AHNAK: variants seen among roughly 807,000 people sequenced by gnomAD.
The protein encoded by AHNAK is neuroblast differentiation-associated protein AHNAK.
Under a neutral mutation model 37.8 loss-of-function variants are expected in AHNAK, and 23 were observed. The observed-to-expected ratio is 0.61, with a 90% CI of 0.44 to 0.86. The LOEUF is 0.86. Ranked by LOEUF, AHNAK falls within the 40% of genes least tolerant of loss-of-function variation. AHNAK has a pLI of 0.00. For synonymous variants in AHNAK, 2,481 were observed against 2,636.3 expected, an observed-to-expected ratio of 0.94 and a Z score of 1.80; for missense variants, 7,411 against 7,319.4, an observed-to-expected ratio of 1.01 and a Z score of -0.46.
At chr11:62,456,579 C>T (rs1434391580) in intron 5 of AHNAK, among the ~76,000 whole-genome samples, 1 of 152,132 alleles carries the variant, frequency 6.6e-6, no homozygotes, top group East Asian at 1.9e-4. Flanking sequence ...CTGGTGGACA[C>T]TCCCTGGCCA....
In AHNAK at chr11:62,523,253, C is replaced by T. The variant is rs750553868; in HGVS notation, c.11164G>A (p.Glu3722Lys). The change falls in exon 5 of 5, where the codon GAA (glutamate) becomes AAA (lysine). Residue 3722 changes from glutamate (E) to lysine (K), a missense_variant. Transcript: ENST00000378024. ...CCCTTGAATTTACCCTCTGAGCCTTCGATGTTAATGTCAGGAGTGTCAATG... is the reference window on the plus strand; with the variant it reads ...CCCTTGAATTTACCCTCTGAGCCTTTGATGTTAATGTCAGGAGTGTCAATG... Reference protein sequence around the residue: ...VDIDTPDINIEGSEGKFKGPK... With the variant: ...VDIDTPDINIKGSEGKFKGPK... 8.7e-6 allele frequency: 14 copies of T among 1,612,574 alleles called. No homozygotes were observed. The highest frequency in any genetic ancestry group is 3.3e-4 in the Middle Eastern group (2 of 6,056).
intron 5 of AHNAK, among the ~76,000 whole-genome samples, chr11:62,439,297 T>C (rs1938249073): frequency 6.6e-6 from 1 of 151,780 alleles, no homozygotes; most frequent in Non-Finnish European, 1.5e-5. Flanking sequence ...GGGGTTTCGC[T>C]GTTTTAGTCA....
Position 62,527,781 on chromosome 11 carries a change from T to C in AHNAK, c.6636A>G (p.Glu2212=). Residue 2212 remains glutamate (E), a synonymous_variant, in exon 5 of 5, where the codon GAA becomes GAG. Coordinates refer to ENST00000378024, the MANE Select transcript of AHNAK (RefSeq NM_001620.3). ...MDVSVPKVEG[E]MKVPDVDIRG... ...TGATGTCAACATCTGGCACTTTCAT[T>C]TCACCTTCTACCTTGGGAACAGACA... is the stretch of plus-strand genomic sequence containing the variant. The C allele has an allele frequency of 6.2e-7, 1 of 1,613,648 alleles. No homozygotes were observed. Among genetic ancestry groups the C allele is most frequent in the Non-Finnish European group, 8.5e-7 (1 of 1,179,910 alleles).
At position 62,522,051 on chromosome 11, in the gene AHNAK, C is replaced by T. The variant is rs150213179; in HGVS notation, c.12366G>A (p.Leu4122=). ...LKGPKFKMPD[L]HLKAPKISMP... ...TAGAGATCTTCGGTGCCTTGAGGTG[C>T]AGGTCAGGCATTTTAAATTTGGGGC... Residue 4122 remains leucine, a synonymous_variant, in exon 5 of 5, where the codon CTG becomes CTA. Transcript: ENST00000378024. The T allele has an allele frequency of 1.1e-4, 180 of 1,613,984 alleles. No individual in the cohort carries two copies. The African/African-American group carries it at 2.0e-3, about 18-fold the overall frequency.
At position 62,519,809 on chromosome 11, in the gene AHNAK, A is replaced by T; in HGVS notation, c.14608T>A (p.Ser4870Thr). The change falls in exon 5 of 5, where the codon TCT becomes ACT. Residue 4870 changes from serine (S) to threonine (T), a missense_variant. Coordinates refer to ENST00000378024, the MANE Select transcript of AHNAK (RefSeq NM_001620.3). ...GPKVKGDFDVSVPKVEGTLKG... is the reference protein window; with the variant it reads ...GPKVKGDFDVTVPKVEGTLKG... The stretch of plus-strand genomic sequence containing the variant: ...AAAGTCCCTTCAACCTTAGGGACAG[A>T]CACATCAAAATCTCCTTTTACTTTG... 6.2e-7 allele frequency: 1 copy of T among 1,614,166 alleles called. No homozygotes were observed. Among genetic ancestry groups the T allele is most frequent in the Non-Finnish European group, 8.5e-7 (1 of 1,179,992 alleles).
At position 62,525,409 on chromosome 11, in the gene AHNAK, T is replaced by A; in HGVS notation, c.9008A>T (p.Gln3003Leu). ...KGPEVDIRGP[Q>L]VDIDVPDVGV... ...CACATCCGGGACATCAATGTCCACT[T>A]GGGGACCCCTGATGTCAACTTCAGG... is the stretch of plus-strand genomic sequence containing the variant. Residue 3003 changes from glutamine to leucine, a missense_variant, in exon 5 of 5, where the codon CAA becomes CTA. Transcript: ENST00000378024. The A allele has an allele frequency of 6.2e-7, 1 of 1,613,460 alleles. No homozygotes were observed. Among genetic ancestry groups the A allele is most frequent in the Non-Finnish European group, 8.5e-7 (1 of 1,179,820 alleles).
intron 1 of AHNAK, among the ~76,000 whole-genome samples, chr11:62,543,950 G>A (rs1941214670): frequency 6.6e-6 from 1 of 152,130 alleles, no homozygotes; most frequent in African/African-American, 2.4e-5. Context: ...TAAGGAGTAG[G>A]ACTAGCTCTC....
At chr11:62,542,214 G>A (rs1941150342) in intron 1 of AHNAK, among the ~76,000 whole-genome samples, 1 of 151,744 alleles carries the variant, frequency 6.6e-6, no homozygotes, top group African/African-American at 2.4e-5. Context: ...AGGGCAGCCT[G>A]CAGCCCCAGC....
Position 62,517,448 on chromosome 11 carries a change from T to C in AHNAK, c.16969A>G (p.Thr5657Ala). The C allele has an allele frequency of 6.2e-7, 1 of 1,614,180 alleles. No individual in the cohort carries two copies. The highest frequency in any genetic ancestry group is 8.5e-7 in the Non-Finnish European group (1 of 1,180,036). Reference sequence around the variant, plus strand: ...TTGGGGATCTTCATTTTAGGGAATGTTACTTTTCCAGATCCACTTTCCAAG... The same window carrying C: ...TTGGGGATCTTCATTTTAGGGAATGCTACTTTTCCAGATCCACTTTCCAAG... ...GHLESGSGKV[T>A]FPKMKIPKFT... The change falls in exon 5 of 5, where the codon ACA becomes GCA. Residue 5657 changes from threonine to alanine, a missense_variant. By Grantham distance (58) the Thr-to-Ala change is moderately conservative. Coordinates refer to ENST00000378024, the MANE Select transcript of AHNAK (RefSeq NM_001620.3).
chr11:62,534,642 C>T (rs1460154824), intron 4 of AHNAK, among the ~76,000 whole-genome samples: 1 of 152,232 alleles, frequency 6.6e-6, no homozygotes, highest in Non-Finnish European at 1.5e-5. Context: ...TATCAGGCCT[C>T]TGCAGAGAGA....
rs774940663 is a variant in AHNAK at position 62,532,653 on chromosome 11, A to G, written c.1764T>C (p.Asp588=). 35 of 1,613,904 alleles carry G rather than the reference A, an allele frequency of 2.2e-5. 1 individual carries two copies. The East Asian group carries it at 7.6e-4, about 35-fold the overall frequency. ...TCCCTTCTACTCTGGGGAGTGTGACATCTACACCCCCTTTCACTTTAGGTG... is the reference window on the plus strand; with the variant it reads ...TCCCTTCTACTCTGGGGAGTGTGACGTCTACACCCCCTTTCACTTTAGGTG... ...VAAPKVKGGV[D]VTLPRVEGKV... is the part of the protein sequence containing the mutation. The change falls in exon 5 of 5, where the codon GAT becomes GAC. Residue 588 remains aspartate, a synonymous_variant. Transcript: ENST00000378024.
intron 5 of AHNAK, among the ~76,000 whole-genome samples, chr11:62,488,402 C>CTT (rs11310515): frequency 6.9e-6 from 1 of 143,904 alleles, no homozygotes; most frequent in Non-Finnish European, 1.5e-5. Flanking sequence ...ATCTGTCTAG[C>CTT]TTTTTTTTTT....
chr11:62,506,877 T>C (rs1249666805), intron 4 of AHNAK, among the ~76,000 whole-genome samples: 1 of 152,050 alleles, frequency 6.6e-6, no homozygotes, highest in African/African-American at 2.4e-5. Flanking sequence ...CCCTACTCCC[T>C]CCTCCCCAAA....
At chr11:62,495,884 A>G (rs1328870840) in intron 4 of AHNAK, among the ~76,000 whole-genome samples, 1 of 152,058 alleles carries the variant, frequency 6.6e-6, no homozygotes, top group East Asian at 1.9e-4. Context: ...CCTCGTCTCT[A>G]CTAAAAATAG....
At chr11:62,440,377 C>T (rs1457279105) in intron 5 of AHNAK, among the ~76,000 whole-genome samples, 1 of 152,102 alleles carries the variant, frequency 6.6e-6, no homozygotes, top group East Asian at 1.9e-4. Context: ...AGTTTCCAAT[C>T]CCACCAAGGA....
In AHNAK at chr11:62,521,300, A is replaced by G. The variant is rs1412921951; in HGVS notation, c.13117T>C (p.Phe4373Leu). The G allele has an allele frequency of 5.6e-6, 9 of 1,613,446 alleles. No homozygotes were observed. Among genetic ancestry groups the G allele is most frequent in the Non-Finnish European group, 7.6e-6 (9 of 1,179,902 alleles). ...TTGATGTTCATCTCTGGCATCTTGAACTTTGGACCCTTGAGTTTTGCATCT... is the reference window on the plus strand; with the variant it reads ...TTGATGTTCATCTCTGGCATCTTGAGCTTTGGACCCTTGAGTTTTGCATCT... ...GPDAKLKGPK[F>L]KMPEMNIKAP... The change falls in exon 5 of 5, where the codon TTC becomes CTC. Residue 4373 changes from phenylalanine to leucine, a missense_variant. Phe to Leu is a conservative substitution (Grantham distance 22). Coordinates refer to ENST00000378024, the MANE Select transcript of AHNAK (RefSeq NM_001620.3).
chr11:62,500,200 A>G (rs1939686986), intron 4 of AHNAK, among the ~76,000 whole-genome samples: 1 of 152,234 alleles, frequency 6.6e-6, no homozygotes, highest in Admixed American at 6.5e-5. Context: ...TGTATTCCAG[A>G]TCAATCTGCA....
Position 62,528,868 on chromosome 11 carries a change from A to C in AHNAK, c.5549T>G (p.Phe1850Cys). ...GPKFKMPEMHFKAPKISMPDV... is the reference protein window; with the variant it reads ...GPKFKMPEMHCKAPKISMPDV... ...AGGCATGGAGATCTTGGGGGCCTTG[A>C]AGTGCATCTCAGGCATCTTAAACTT... is the stretch of plus-strand genomic sequence containing the variant. The change falls in exon 5 of 5, where the codon TTC (phenylalanine) becomes TGC (cysteine). Residue 1850 changes from phenylalanine to cysteine, a missense_variant. Coordinates refer to ENST00000378024, the MANE Select transcript of AHNAK (RefSeq NM_001620.3). 1 of 1,613,634 alleles carries C rather than the reference A, an allele frequency of 6.2e-7. No homozygotes were observed. The highest frequency in any genetic ancestry group is 8.5e-7 in the Non-Finnish European group (1 of 1,179,934).
At position 62,531,734 on chromosome 11, in the gene AHNAK, G is replaced by T. The variant is rs758619649; in HGVS notation, c.2683C>A (p.Pro895Thr). The T allele has an allele frequency of 1.6e-5, 26 of 1,613,656 alleles. No homozygotes were observed. The highest frequency in any genetic ancestry group is 2.7e-5 in the African/African-American group (2 of 74,746). The change falls in exon 5 of 5, where the codon CCA becomes ACA. Residue 895 changes from proline (P) to threonine (T), a missense_variant. By Grantham distance (38) the Pro-to-Thr change is conservative. Transcript: ENST00000378024. ...FSMPGFKAEG[P>T]EVDVNLPKAD... ...TTGGGCAGGTTCACATCCACTTCTG[G>T]GCCCTCTGCTTTGAAGCCAGGCATG...
Sources: gnomAD v4.1 joint callset for allele counts (sites outside exome capture counted in the v4.1 genomes callset) on GRCh38, gnomAD v4.1.1 for gene constraint, MANE v1.5 for transcripts, NCBI Gene and HGNC (gene_info 2026-07-23, HGNC 2026-07-21) for gene names.